The following PATJ variants were observed in gnomAD, a reference collection of about 807,000 sequenced individuals.
The protein encoded by PATJ is PATJ crumbs cell polarity complex component.
PATJ carries 190 observed loss-of-function variants against 224.9 expected under a neutral mutation model. The observed-to-expected ratio is 0.84, with a 90% CI of 0.75 to 0.95. The LOEUF is 0.95. PATJ is among the 40% of genes least tolerant of loss of function. The pLI is 0.00. For synonymous variants in PATJ, 769 were observed against 820.3 expected (o/e 0.94, Z 1.07); for missense variants, 2,121 against 2,270.3 (o/e 0.93, Z 1.34).
At chr1:62,031,542 A>C (rs1184249137) in intron 29 of PATJ, among the ~76,000 whole-genome samples, 1 of 152,220 alleles carries the variant, frequency 6.6e-6, no homozygotes, top group Non-Finnish European at 1.5e-5. Context: ...TTTTACCCCA[A>C]GGAAATTTAT....
intron 27 of PATJ, among the ~76,000 whole-genome samples, chr1:61,951,177 TAA>T (rs533610349): frequency 4.4e-5 from 6 of 136,682 alleles, no homozygotes; most frequent in Non-Finnish European, 3.2e-5. Flanking sequence ...CAACTCTGTC[TAA>T]AAAAAAAAAA....
rs1047636174 is a variant in PATJ at position 62,083,571 on chromosome 1, A to G, written c.4244-944A>G. On this transcript the variant is annotated intron_variant, in intron 32 of 43. Coordinates refer to ENST00000642238, the MANE Select transcript of PATJ (RefSeq NM_001350145.3). ...CTTTGGAAAAACCCAACCTAAAACA[A>G]TTGTTTTTAAAAATAAACCTTTGTA... is the stretch of plus-strand genomic sequence containing the variant. Among the ~76,000 whole-genome samples, 4 of 152,278 alleles carry G rather than the reference A, an allele frequency of 2.6e-5. No homozygotes were observed. The East Asian group carries it at 5.8e-4, about 22-fold the overall frequency.
At chr1:61,980,284 CA>C (rs1272985105) in intron 27 of PATJ, among the ~76,000 whole-genome samples, 1 of 150,162 alleles carries the variant, frequency 6.7e-6, no homozygotes, top group East Asian at 1.9e-4. Context: ...GACCCTGTGT[CA>C]AAAAAAATAA....
chr1:61,825,953 C>T (rs1658173612), intron 15 of PATJ, among the ~76,000 whole-genome samples: 4 of 152,090 alleles, frequency 2.6e-5, no homozygotes, highest in Admixed American at 2.6e-4. Context: ...ATCATGGATA[C>T]GGTGTGACCA....
intron 6 of PATJ, among the ~76,000 whole-genome samples, chr1:61,773,553 G>A (rs539076960): frequency 2.6e-4 from 39 of 147,826 alleles, no homozygotes; most frequent in Admixed American, 1.4e-3. Flanking sequence ...TTGGGAGACC[G>A]AGGTGGGTGG....
intron 26 of PATJ, among the ~76,000 whole-genome samples, chr1:61,918,523 C>T (rs1161676254): frequency 6.6e-6 from 1 of 151,926 alleles, no homozygotes; most frequent in Non-Finnish European, 1.5e-5. Flanking sequence ...GTTGCCCAGG[C>T]TGGTCTTGAA....
intron 5 of PATJ, among the ~76,000 whole-genome samples, chr1:61,770,403 T>C (rs991868399): frequency 2.0e-5 from 3 of 152,186 alleles, no homozygotes; most frequent in African/African-American, 7.2e-5. Flanking sequence ...AGAATCTGAC[T>C]CCTGATAAGA....
At chr1:62,008,540 T>C (rs1188585547) in intron 28 of PATJ, among the ~76,000 whole-genome samples, 1 of 152,068 alleles carries the variant, frequency 6.6e-6, no homozygotes, top group African/African-American at 2.4e-5. Context: ...GTGGATCGCT[T>C]GAGTCCAGGA....
intron 42 of PATJ, among the ~76,000 whole-genome samples, chr1:62,151,220 G>T (rs753929961): frequency 1.3e-5 from 2 of 152,176 alleles, no homozygotes; most frequent in Non-Finnish European, 2.9e-5. Context: ...AACTATGGAT[G>T]TCTGCTGTAA....
intron 24 of PATJ, among the ~76,000 whole-genome samples, chr1:61,906,609 G>A (rs1280313061): frequency 6.6e-6 from 1 of 152,188 alleles, no homozygotes; most frequent in Non-Finnish European, 1.5e-5. Flanking sequence ...TTTCTCCTCA[G>A]CCTGCTCAAG....
chr1:61,794,661 T>TTTGTTGTTG (rs551832327), intron 9 of PATJ, among the ~76,000 whole-genome samples: 1 of 152,044 alleles, frequency 6.6e-6, no homozygotes, highest in Non-Finnish European at 1.5e-5. Context: ...CTCATACTAA[T>TTTGTTGTTG]TTGTTGTTGT....
intron 28 of PATJ, among the ~76,000 whole-genome samples, chr1:61,990,965 T>A (rs1190467771): frequency 1.3e-5 from 2 of 152,224 alleles, no homozygotes; most frequent in African/African-American, 4.8e-5. Flanking sequence ...CTTATTCTTC[T>A]ACACTTAAAT....
intron 33 of PATJ, among the ~76,000 whole-genome samples, chr1:62,106,045 TAAA>T (rs1218285369): frequency 9.9e-4 from 30 of 30,196 alleles, no homozygotes; most frequent in African/African-American, 1.5e-3. Flanking sequence ...AGACTCCTCT[TAAA>T]AAAAAAAAAA....
intron 26 of PATJ, among the ~76,000 whole-genome samples, chr1:61,924,304 G>T (rs1014746072): frequency 6.6e-6 from 1 of 152,130 alleles, no homozygotes; most frequent in Non-Finnish European, 1.5e-5. Flanking sequence ...GGAGACAGAG[G>T]TTACAGTGAG....
intron 31 of PATJ, among the ~76,000 whole-genome samples, chr1:62,051,297 TTTTTTGTTTTTG>T (rs957817653): frequency 6.6e-6 from 1 of 152,070 alleles, no homozygotes; most frequent in Non-Finnish European, 1.5e-5. Context: ...TCTCCTCTTT[TTTTTTGTTTTTG>T]TTTTTGTTTT....
intron 39 of PATJ, among the ~76,000 whole-genome samples, chr1:62,123,501 A>G (rs974860728): frequency 1.8e-5 from 2 of 109,198 alleles, no homozygotes; most frequent in African/African-American, 3.6e-5. Flanking sequence ...TTTTTGAGAC[A>G]GAGTCTTGCT....
At chr1:61,775,791 C>T (rs1485311383) in intron 7 of PATJ, among the ~76,000 whole-genome samples, 1 of 152,028 alleles carries the variant, frequency 6.6e-6, no homozygotes, top group Non-Finnish European at 1.5e-5. Flanking sequence ...CATTGTTTAG[C>T]AGTGTTTAAA....
intron 5 of PATJ, among the ~76,000 whole-genome samples, chr1:61,770,224 A>G (rs1646521878): frequency 6.6e-6 from 1 of 152,232 alleles, no homozygotes; most frequent in African/African-American, 2.4e-5. Flanking sequence ...TTGTTCTGCC[A>G]TCTAATGCAG....
intron 9 of PATJ, among the ~76,000 whole-genome samples, chr1:61,794,464 T>TTA (rs1650614225): frequency 6.6e-6 from 1 of 152,182 alleles, no homozygotes; most frequent in Non-Finnish European, 1.5e-5. Context: ...TGTTTTGAGT[T>TTA]TATTTGGAAA....
Sources: gnomAD v4.1 joint callset for allele counts (sites outside exome capture counted in the v4.1 genomes callset) on GRCh38, gnomAD v4.1.1 for gene constraint, MANE v1.5 for transcripts, NCBI Gene and HGNC (gene_info 2026-07-23, HGNC 2026-07-21) for gene names.